The following ANKRD6 variants were observed in gnomAD, a reference collection of about 807,000 sequenced individuals.
ANKRD6 encodes the protein ankyrin repeat domain-containing protein 6.
A neutral mutation model predicts 82.3 loss-of-function variants in ANKRD6; 56 were observed. That is an observed-to-expected ratio of 0.68 (90% CI 0.55 to 0.85). ANKRD6 has a LOEUF of 0.85. Ranked by LOEUF, ANKRD6 falls within the 40% of genes least tolerant of loss-of-function variation. ANKRD6 has a pLI of 0.00. For missense variants in ANKRD6, 852 were observed against 907.6 expected (o/e 0.94, Z 0.79); for synonymous variants, 347 against 352.1 (o/e 0.99, Z 0.16).
At chr6:89,545,212 C>CAAA (rs754348482) in intron 1 of ANKRD6, among the ~76,000 whole-genome samples, 64 of 86,306 alleles carry the variant, frequency 7.4e-4, no homozygotes, top group South Asian at 2.7e-3. Context: ...GACTCCATCT[C>CAAA]AAAAAAAAAA....
At chr6:89,480,642 A>G (rs2325218) in intron 1 of ANKRD6, among the ~76,000 whole-genome samples, 1 of 151,434 alleles carries the variant, frequency 6.6e-6, no homozygotes, top group South Asian at 2.1e-4. Context: ...TTTAAAAATC[A>G]GAAAAAAAAA....
At chr6:89,622,408 A>C (rs1350072743) in intron 10 of ANKRD6, among the ~76,000 whole-genome samples, 1 of 152,148 alleles carries the variant, frequency 6.6e-6, no homozygotes, top group Non-Finnish European at 1.5e-5. Flanking sequence ...CCTTATTAGA[A>C]ATGATAATTC....
At chr6:89,504,082 A>C (rs1451347957) in intron 1 of ANKRD6, among the ~76,000 whole-genome samples, 1 of 135,940 alleles carries the variant, frequency 7.4e-6, no homozygotes, top group Non-Finnish European at 1.5e-5. Flanking sequence ...ACAAGGTCTG[A>C]CCTGAGGTTT....
intron 1 of ANKRD6, among the ~76,000 whole-genome samples, chr6:89,522,138 A>G (rs1781963971): frequency 6.6e-6 from 1 of 152,176 alleles, no homozygotes; most frequent in Non-Finnish European, 1.5e-5. Context: ...ATCATGGATG[A>G]GACTTATCAG....
intron 2 of ANKRD6, among the ~76,000 whole-genome samples, chr6:89,567,649 T>G (rs1301571145): frequency 6.6e-6 from 1 of 152,108 alleles, no homozygotes; most frequent in Non-Finnish European, 1.5e-5. Flanking sequence ...CCAAAGGCAG[T>G]TTTGTAGCAA....
chr6:89,528,371 T>G (rs535505255), intron 1 of ANKRD6, among the ~76,000 whole-genome samples: 1 of 152,382 alleles, frequency 6.6e-6, no homozygotes, highest in Middle Eastern at 3.4e-3. Context: ...AAGAAACCAC[T>G]TTCTTTGCTC....
At chr6:89,447,878 G>A (rs956717998) in intron 1 of ANKRD6, among the ~76,000 whole-genome samples, 6 of 51,624 alleles carry the variant, frequency 1.2e-4, no homozygotes, top group African/African-American at 6.8e-4. Flanking sequence ...GTAGAGATGG[G>A]GTTTCTCCAT....
At chr6:89,551,267 A>T (rs1785810369) in intron 1 of ANKRD6, among the ~76,000 whole-genome samples, 1 of 152,150 alleles carries the variant, frequency 6.6e-6, no homozygotes, top group African/African-American at 2.4e-5. Flanking sequence ...TGGTATGCTC[A>T]CTGTCTTTTC....
At chr6:89,554,423 T>C (rs1786285546) in intron 1 of ANKRD6, among the ~76,000 whole-genome samples, 1 of 145,596 alleles carries the variant, frequency 6.9e-6, no homozygotes, top group South Asian at 2.2e-4. Context: ...ATCCAGGACA[T>C]CAACGGATTA....
At chr6:89,616,772 C>A (rs1162991875) in intron 8 of ANKRD6, 115 bp downstream of exon 8, 2 of 1,039,722 alleles carry the variant, frequency 1.9e-6, no homozygotes, top group Admixed American at 3.8e-5. Flanking sequence ...GACGGGGGAT[C>A]TCTGCTGGAA....
intron 1 of ANKRD6, among the ~76,000 whole-genome samples, chr6:89,440,231 T>A (rs961163024): frequency 6.6e-6 from 1 of 152,212 alleles, no homozygotes; most frequent in Non-Finnish European, 1.5e-5. Flanking sequence ...GAACTCTGGC[T>A]TATATAGCAT....
chr6:89,531,926 G>T (rs940472985), intron 1 of ANKRD6, among the ~76,000 whole-genome samples: 1 of 152,214 alleles, frequency 6.6e-6, no homozygotes, highest in South Asian at 2.1e-4. Context: ...TCAATGGTGC[G>T]GTTTGAGTTC....
chr6:89,492,103 T>G (rs1778085029), intron 1 of ANKRD6, among the ~76,000 whole-genome samples: 1 of 152,256 alleles, frequency 6.6e-6, no homozygotes, highest in Admixed American at 6.5e-5. Context: ...CTGGTTAATC[T>G]TTCTTTTGTT....
At chr6:89,518,704 G>A (rs1485879347) in intron 1 of ANKRD6, among the ~76,000 whole-genome samples, 1 of 152,168 alleles carries the variant, frequency 6.6e-6, no homozygotes, top group Non-Finnish European at 1.5e-5. Flanking sequence ...TGCTCAGAAA[G>A]TTAAGAGATG....
At chr6:89,487,865 G>T (rs1307697355) in intron 1 of ANKRD6, among the ~76,000 whole-genome samples, 1 of 152,196 alleles carries the variant, frequency 6.6e-6, no homozygotes, top group Non-Finnish European at 1.5e-5. Flanking sequence ...GATGGGAAAA[G>T]TGCATGAAAT....
intron 1 of ANKRD6, among the ~76,000 whole-genome samples, chr6:89,464,958 G>C (rs1254547422): frequency 6.6e-6 from 1 of 152,246 alleles, no homozygotes; most frequent in East Asian, 1.9e-4. Flanking sequence ...GATAATCTGA[G>C]TACAAACAAA....
At chr6:89,587,961 C>G (rs1794111867) in intron 2 of ANKRD6, among the ~76,000 whole-genome samples, 1 of 151,988 alleles carries the variant, frequency 6.6e-6, no homozygotes, top group African/African-American at 2.4e-5. Context: ...CGAATGTGTT[C>G]CATTTTTTTC....
rs1554227723 is a variant in ANKRD6 at position 89,527,621 on chromosome 6, A to AAG, written c.-143-39212_-143-39211insGA. Among the ~76,000 whole-genome samples, 818 of 148,424 alleles carry AAG rather than the reference A, an allele frequency of 5.5e-3. 6 individuals are homozygous for AAG. The highest frequency in any genetic ancestry group is 0.02 in the African/African-American group (772 of 38,776). The stretch of plus-strand genomic sequence containing the variant: ...CGTCTCAAAAAAAAAAAAAAAAAAA[A>AAG]AAAAAGAAAAAGAAAAGAAAAACAA... On this transcript the variant is annotated intron_variant, in intron 1 of 15. Coordinates refer to ENST00000339746, the MANE Select transcript of ANKRD6 (RefSeq NM_001242809.2).
At position 89,632,438 on chromosome 6, in the gene ANKRD6, A is replaced by C. The variant is rs1280311553; in HGVS notation, c.*1434A>C. 1 of 152,118 alleles carries C rather than the reference A, an allele frequency of 6.6e-6. No homozygotes were observed. Among genetic ancestry groups the C allele is most frequent in the African/African-American group, 2.4e-5 (1 of 41,400 alleles). The allele number at this position is 152,118 out of a possible 1,614,324, so 9.4% of individuals were successfully genotyped here. ...GAATTTGATGTTTTTTATTTTGTTG[A>C]GACAGGGTCTTGCTCTGTCACCCAG... On this transcript the variant is annotated 3_prime_UTR_variant, in exon 16 of 16. Coordinates refer to ENST00000339746, the MANE Select transcript of ANKRD6 (RefSeq NM_001242809.2).
Sources: allele counts gnomAD v4.1 joint callset (sites outside exome capture counted in the v4.1 genomes callset), GRCh38; gene constraint gnomAD v4.1.1; transcripts MANE v1.5; gene names NCBI Gene and HGNC (gene_info 2026-07-23, HGNC 2026-07-21).